The following TFEC variants were observed in gnomAD, a reference collection of about 807,000 sequenced individuals.
TFEC encodes the protein class E basic helix-loop-helix protein 34.
Under a neutral mutation model 41.6 loss-of-function variants are expected in TFEC, and 31 were observed. The observed-to-expected ratio is 0.74, with a 90% CI of 0.56 to 1.01. TFEC has a LOEUF of 1.01. Among genes scored for constraint, TFEC ranks in the 50% least tolerant of loss-of-function variants. The pLI, the probability that TFEC is intolerant of heterozygous loss-of-function variation, is 0.00. For missense variants in TFEC, 402 were observed against 404.1 expected, an observed-to-expected ratio of 0.99 and a Z score of 0.04; for synonymous variants, 143 against 140.6, an observed-to-expected ratio of 1.02 and a Z score of -0.12.
intron 3 of TFEC, among the ~76,000 whole-genome samples, chr7:116,044,989 G>T (rs769687132): frequency 6.6e-6 from 1 of 152,188 alleles, no homozygotes. Context: ...CATCCCAGTG[G>T]GTCCTAAAAA....
chr7:116,117,231 A>C (rs1798010898), intron 1 of TFEC, among the ~76,000 whole-genome samples: 1 of 151,758 alleles, frequency 6.6e-6, no homozygotes, highest in Non-Finnish European at 1.5e-5. Flanking sequence ...AATTACCTGA[A>C]TTACACACAG....
At chr7:115,943,240 G>A (rs144435591) in intron 6 of TFEC, among the ~76,000 whole-genome samples, 5 of 152,028 alleles carry the variant, frequency 3.3e-5, no homozygotes, top group Non-Finnish European at 7.4e-5. Context: ...AGGGGAATGA[G>A]TGGGATGGTG....
chr7:116,103,549 G>A (rs1464892115), intron 3 of TFEC, among the ~76,000 whole-genome samples: 3 of 152,038 alleles, frequency 2.0e-5, no homozygotes, highest in African/African-American at 7.2e-5. Context: ...GAATCTCTTA[G>A]TTTCTATAGT....
intron 1 of TFEC, among the ~76,000 whole-genome samples, chr7:116,005,674 GAGA>G (rs1794760807): frequency 6.6e-6 from 1 of 152,190 alleles, no homozygotes; most frequent in Non-Finnish European, 1.5e-5. Flanking sequence ...GGGCTTTTCT[GAGA>G]AGAAATTCAA....
chr7:116,151,912 T>C (rs1223431983), intron 1 of TFEC, among the ~76,000 whole-genome samples: 9 of 152,144 alleles, frequency 5.9e-5, no homozygotes, highest in African/African-American at 1.9e-4. Context: ...AGATAAAATT[T>C]CTAGAAGATT....
At chr7:116,074,026 G>A (rs1796893725) in intron 3 of TFEC, among the ~76,000 whole-genome samples, 1 of 151,770 alleles carries the variant, frequency 6.6e-6, no homozygotes, top group Non-Finnish European at 1.5e-5. Flanking sequence ...TGCAAAAGAA[G>A]GAAGTGGACC....
intron 1 of TFEC, among the ~76,000 whole-genome samples, chr7:116,002,961 A>G (rs1408175593): frequency 1.3e-5 from 2 of 152,194 alleles, no homozygotes; most frequent in African/African-American, 2.4e-5. Flanking sequence ...AAAATGCTCA[A>G]TTAAAACCAC....
chr7:116,070,196 T>C (rs1796794730), intron 3 of TFEC, among the ~76,000 whole-genome samples: 1 of 151,362 alleles, frequency 6.6e-6, no homozygotes, highest in South Asian at 2.1e-4. Context: ...GCAGCTATTT[T>C]CAAAATTTCC....
Position 115,940,204 on chromosome 7 carries a change from T to C in TFEC, c.*347A>G, listed in dbSNP as rs546725790. ...AGACTGTTTGTATATTTCAGTCGTT[T>C]AACACTTTGCAGTCATTAGTTCCAG... On this transcript the variant is annotated 3_prime_UTR_variant, in exon 8 of 8. Transcript: ENST00000265440. The C allele has an allele frequency of 5.7e-6, 1 of 175,270 alleles. No individual in the cohort carries two copies. Among genetic ancestry groups the C allele is most frequent in the South Asian group, 1.6e-4 (1 of 6,438 alleles). The allele number at this position is 175,270 out of a possible 1,614,324, so 10.9% of individuals were successfully genotyped here. A position where few individuals can be genotyped will look rare whatever the true frequency, so the allele number is the denominator to read the frequency against.
rs1796408794 is a variant in TFEC, at chr7:116,055,505, G to A, written c.198+55203C>T. Among the ~76,000 whole-genome samples, 3 of 151,902 alleles carry A rather than the reference G, an allele frequency of 2.0e-5. No homozygotes were observed. In the South Asian group the frequency reaches 6.2e-4, roughly 32 times the overall value. On this transcript the variant is annotated intron_variant, in intron 3 of 8. Coordinates refer to the TFEC transcript ENST00000484212. The stretch of plus-strand genomic sequence containing the variant: ...ATATGGTGATTTTATAATCCATTAG[G>A]ACCCTAAGTGTTTTCATATTATGGA...
At chr7:116,041,307 T>C (rs1362576349) in intron 3 of TFEC, among the ~76,000 whole-genome samples, 1 of 151,962 alleles carries the variant, frequency 6.6e-6, no homozygotes, top group African/African-American at 2.4e-5. Context: ...AAAAAAAGTC[T>C]TCCAACAAAA....
intron 1 of TFEC, among the ~76,000 whole-genome samples, chr7:116,015,612 GA>G: frequency 6.6e-6 from 1 of 151,136 alleles, no homozygotes; most frequent in East Asian, 1.9e-4. Flanking sequence ...GTAAAAGGAC[GA>G]AAAAAAGAAA....
chr7:116,007,611 C>G (rs1256659245), intron 1 of TFEC, among the ~76,000 whole-genome samples: 1 of 152,100 alleles, frequency 6.6e-6, no homozygotes, highest in Non-Finnish European at 1.5e-5. Flanking sequence ...ACGCTGTAGT[C>G]TTTTGACTTA....
intron 1 of TFEC, among the ~76,000 whole-genome samples, chr7:116,024,337 C>A (rs1239139327): frequency 1.3e-5 from 2 of 152,060 alleles, no homozygotes; most frequent in Non-Finnish European, 2.9e-5. Flanking sequence ...ACAACAAAGA[C>A]AAAGTTTAAA....
chr7:116,151,495 G>C (rs1052278323), intron 1 of TFEC, among the ~76,000 whole-genome samples: 5 of 151,942 alleles, frequency 3.3e-5, no homozygotes, highest in Admixed American at 1.3e-4. Flanking sequence ...CGCCCACCTC[G>C]GCCTCCCAAA....
chr7:115,955,509 G>T (rs372234663), intron 4 of TFEC, among the ~76,000 whole-genome samples: 1 of 151,980 alleles, frequency 6.6e-6, no homozygotes, highest in Non-Finnish European at 1.5e-5. Flanking sequence ...GAAACACCTC[G>T]GGAGTGCATC....
rs994508417 is a variant in TFEC, at chr7:115,937,635, T to G, written c.*2916A>C. On this transcript the variant is annotated 3_prime_UTR_variant, in exon 8 of 8. Transcript: ENST00000265440. ...AACGACTACTTCATAAATGAACAACTTTTTTAGTGAATAATCTAAAGTTTG... is the reference window on the plus strand; with the variant it reads ...AACGACTACTTCATAAATGAACAACGTTTTTAGTGAATAATCTAAAGTTTG... 1 of 151,892 alleles carries G rather than the reference T, an allele frequency of 6.6e-6. No individual in the cohort carries two copies. The highest frequency in any genetic ancestry group is 1.9e-4 in the East Asian group (1 of 5,166). 9.4% of individuals were successfully genotyped at this position (151,892 alleles called of 1,614,324 possible).
intron 6 of TFEC, among the ~76,000 whole-genome samples, chr7:115,946,288 C>G (rs534871416): frequency 6.6e-6 from 1 of 150,704 alleles, no homozygotes; most frequent in East Asian, 2.0e-4. Context: ...CTAGTATGTA[C>G]ATAAGGACAA....
chr7:116,156,260 G>A (rs1424915010), intron 1 of TFEC, among the ~76,000 whole-genome samples: 1 of 152,116 alleles, frequency 6.6e-6, no homozygotes, highest in East Asian at 1.9e-4. Flanking sequence ...GACAGCTCAT[G>A]GAGCATTCTT....
Sources: allele counts gnomAD v4.1 joint callset (sites outside exome capture counted in the v4.1 genomes callset), GRCh38; gene constraint gnomAD v4.1.1; transcripts MANE v1.5; gene names NCBI Gene and HGNC (gene_info 2026-07-23, HGNC 2026-07-21).